CLK2: variants seen among roughly 807,000 people sequenced by gnomAD.
The protein encoded by CLK2 is dual specificity protein kinase CLK2.
A neutral mutation model predicts 73.5 loss-of-function variants in CLK2; 12 were observed. That is an observed-to-expected ratio of 0.16 (90% CI 0.10 to 0.26). The LOEUF is 0.26. CLK2 is among the 10% of genes least tolerant of loss of function. CLK2 has a pLI of 1.00. For missense variants in CLK2, 509 were observed against 688.4 expected, an observed-to-expected ratio of 0.74 and a Z score of 2.92; for synonymous variants, 232 against 237.9, an observed-to-expected ratio of 0.98 and a Z score of 0.23.
Position 155,268,808 on chromosome 1 carries a change from A to T in CLK2, c.400-13T>A. On this transcript the variant is annotated splice_polypyrimidine_tract_variant and intron_variant, in intron 3 of 12. Transcript: ENST00000368361. This position sits in a 1 kb window ranked among gnomAD's most constrained non-coding sequence, Gnocchi z 5.6. ...GGCTGCTGTGCTGCTGTCGGGGGGC[A>T]GGGGGGGTCGGAGCAAGCCAGGTGT... 16 of 1,010,310 alleles carry T rather than the reference A, an allele frequency of 1.6e-5. No homozygotes were observed. Among genetic ancestry groups the T allele is most frequent in the Admixed American group, 3.3e-5 (1 of 30,638 alleles). The allele number at this position is 1,010,310 out of a possible 1,614,324, so 62.6% of individuals were successfully genotyped here.
intron 12 of CLK2, 175 bp from the exon 13 acceptor site, chr1:155,263,575 T>C: frequency 2.0e-6 from 2 of 985,436 alleles, no homozygotes; most frequent in Non-Finnish European, 2.4e-6. Flanking sequence ...CAACCTACCT[T>C]CCCACTAGCA....
intron 7 of CLK2, 74 bp downstream of exon 7, chr1:155,266,655 C>G: frequency 6.7e-7 from 1 of 1,493,748 alleles, no homozygotes; most frequent in East Asian, 2.3e-5. Context: ...GGGGCTTCAC[C>G]AGTGCACAAC....
Position 155,273,468 on chromosome 1 carries a change from G to C in CLK2, c.-268C>G, listed in dbSNP as rs1673612255. On this transcript the variant is annotated 5_prime_UTR_variant, in exon 1 of 13. Transcript: ENST00000368361. ...CTCGGTCTCCGGCTCTGGCCTCTCC[G>C]CTCCGCCGCCGCCGCCGTGAGCGAG... 6.5e-6 allele frequency: 1 copy of C among 152,800 alleles called. No individual in the cohort carries two copies. The highest frequency in any genetic ancestry group is 1.5e-5 in the Non-Finnish European group (1 of 68,672). The allele number at this position is 152,800 out of a possible 1,614,324, so 9.5% of individuals were successfully genotyped here. A position where few individuals can be genotyped will look rare whatever the true frequency, so the allele number is the denominator to read the frequency against.
chr1:155,269,698 C>G lies in CLK2; in HGVS notation c.189G>C (p.Ser63=), dbSNP rs770924708. Residue 63 remains serine (S), a synonymous_variant, in exon 3 of 13, where the codon TCG becomes TCC. Coordinates refer to ENST00000368361, the MANE Select transcript of CLK2 (RefSeq NM_001294338.2). ...VRSRSSYDDR[S]SDRRVYDRRY... The stretch of plus-strand genomic sequence containing the variant: ...GCCGGTCATACACCCTCCGGTCGGA[C>G]GAACGATCATCATAACTGCTGTTGG... 23 of 1,614,102 alleles carry G rather than the reference C, an allele frequency of 1.4e-5. 1 individual carries two copies. The highest frequency in any genetic ancestry group is 1.7e-6 in the Non-Finnish European group (2 of 1,180,036).
intron 12 of CLK2, 102 bp from the exon 13 acceptor site, chr1:155,263,502 C>A: frequency 6.7e-7 from 1 of 1,495,762 alleles, no homozygotes. Context: ...GCTCTGCTTG[C>A]AACCAATTTG....
At position 155,268,800 on chromosome 1, in the gene CLK2, CG is replaced by C; in HGVS notation, c.400-6del. 2 of 1,185,092 alleles carry C rather than the reference CG, an allele frequency of 1.7e-6. No individual in the cohort carries two copies. The highest frequency in any genetic ancestry group is 1.1e-6 in the Non-Finnish European group (1 of 931,276). The allele number at this position is 1,185,092 out of a possible 1,614,324, so 73.4% of individuals were successfully genotyped here. A position where few individuals can be genotyped will look rare whatever the true frequency, so the allele number is the denominator to read the frequency against. On this transcript the variant is annotated splice_polypyrimidine_tract_variant and splice_region_variant and intron_variant, in intron 3 of 12. Transcript: ENST00000368361. This position sits in a 1 kb window ranked among gnomAD's most constrained non-coding sequence, Gnocchi z 5.6. ...GGCTCTCCGGCTGCTGTGCTGCTGTCGGGGGGCAGGGGGGGTCGGAGCAAGC... is the reference window on the plus strand; with the variant it reads ...GGCTCTCCGGCTGCTGTGCTGCTGTCGGGGGCAGGGGGGGTCGGAGCAAGC...
chr1:155,268,597 T>A lies in CLK2; in HGVS notation c.487+111A>T. On this transcript the variant is annotated intron_variant, in intron 4 of 12. Transcript: ENST00000368361. This position sits in a 1 kb window ranked among gnomAD's most constrained non-coding sequence, Gnocchi z 5.6. ...TCAACAGCAACTCAAACCACCCAGA[T>A]AAACAACACCACTGAGAAAAGGCAA... 9.4e-7 allele frequency: 1 copy of A among 1,062,684 alleles called. No homozygotes were observed. The highest frequency in any genetic ancestry group is 2.4e-5 in the East Asian group (1 of 42,164). The allele number at this position is 1,062,684 out of a possible 1,614,324, so 65.8% of individuals were successfully genotyped here. A position where few individuals can be genotyped will look rare whatever the true frequency, so the allele number is the denominator to read the frequency against.
In CLK2 at chr1:155,268,900, GGGGGGACAGACGATGAT is replaced by G. The variant is rs1336911031; in HGVS notation, c.400-122_400-106del. Reference sequence around the variant, plus strand: ...GTCACCGGTCACAGGCGCCCAGCCAGGGGGGACAGACGATGATGGGGGACAGTGGAAGGGAACACGTC... The same window carrying G: ...GTCACCGGTCACAGGCGCCCAGCCAGGGGGGACAGTGGAAGGGAACACGTC... On this transcript the variant is annotated intron_variant, in intron 3 of 12. Coordinates refer to ENST00000368361, the MANE Select transcript of CLK2 (RefSeq NM_001294338.2). The surrounding 1 kb of genome is among the most constrained non-coding windows in gnomAD (Gnocchi z 5.6). 3 of 710,154 alleles carry G rather than the reference GGGGGGACAGACGATGAT, an allele frequency of 4.2e-6. No homozygotes were observed. Among genetic ancestry groups the G allele is most frequent in the Admixed American group, 2.0e-5 (1 of 49,664 alleles). 44.0% of individuals were successfully genotyped at this position (710,154 alleles called of 1,614,324 possible). A position where few individuals can be genotyped will look rare whatever the true frequency, so the allele number is the denominator to read the frequency against.
At chr1:155,270,203 CA>C (rs35358437) in intron 2 of CLK2, among the ~76,000 whole-genome samples, 52,016 of 111,600 alleles carry the variant, frequency 0.47, 11,249 homozygotes, top group East Asian at 0.71. Context: ...ACTAAAAATA[CA>C]AAAAAAAAAA....
intron 2 of CLK2, 124 bp downstream of exon 2, chr1:155,270,684 A>G (rs891751562): frequency 2.7e-6 from 3 of 1,113,014 alleles, no homozygotes; most frequent in Non-Finnish European, 3.9e-6. Context: ...TTGGTTATCT[A>G]TCCCGACATT....
Position 155,263,216 on chromosome 1 carries a change from C to A in CLK2, c.*2G>T. 1.9e-6 allele frequency: 3 copies of A among 1,611,476 alleles called. No homozygotes were observed. The highest frequency in any genetic ancestry group is 2.5e-6 in the Non-Finnish European group (3 of 1,178,932). Reference sequence around the variant, plus strand: ...GATGCAGGGGGGCCCAGGGCCTGATCGTCACCGACTGATATCCCGACTGGA... The same window carrying A: ...GATGCAGGGGGGCCCAGGGCCTGATAGTCACCGACTGATATCCCGACTGGA... On this transcript the variant is annotated 3_prime_UTR_variant, in exon 13 of 13. Transcript: ENST00000368361.
At chr1:155,270,397 A>T (rs1344614450) in intron 2 of CLK2, among the ~76,000 whole-genome samples, 1 of 152,110 alleles carries the variant, frequency 6.6e-6, no homozygotes, top group Non-Finnish European at 1.5e-5. Flanking sequence ...ATATTTTAAA[A>T]TTTTTAAAAA....
intron 8 of CLK2, among the ~76,000 whole-genome samples, chr1:155,265,337 C>T (rs1342773837): frequency 6.6e-6 from 1 of 152,112 alleles, no homozygotes; most frequent in Non-Finnish European, 1.5e-5. Context: ...GAGCCCGAGA[C>T]AGGCAGATCA....
Position 155,264,204 on chromosome 1 carries a change from G to A in CLK2, c.1226+17C>T. On this transcript the variant is annotated intron_variant, in intron 11 of 12. Coordinates refer to ENST00000368361, the MANE Select transcript of CLK2 (RefSeq NM_001294338.2). ...GAGAAAAGGAAAAGAGTTAACTAGT[G>A]CCCCCTCAAGGTTCACCTTGTCTTT... 1 of 1,613,304 alleles carries A rather than the reference G, an allele frequency of 6.2e-7. No homozygotes were observed. The highest frequency in any genetic ancestry group is 8.5e-7 in the Non-Finnish European group (1 of 1,179,238).
intron 6 of CLK2, 73 bp from the exon 7 acceptor site, chr1:155,266,968 G>A (rs1673261061): frequency 1.3e-6 from 2 of 1,521,360 alleles, no homozygotes; most frequent in Non-Finnish European, 1.8e-6. Flanking sequence ...CAACAAGGAG[G>A]TACTTCATAG....
chr1:155,263,240 G>C lies in CLK2; in HGVS notation c.1478C>G (p.Ser493Cys), dbSNP rs1557929673. ...RAEPPNKLWDSSRDISR is the reference protein window; with the variant it reads ...RAEPPNKLWDCSRDISR ...TCGTCACCGACTGATATCCCGACTGGAGTCCCACAACTTGTTGGGCGGCTC... is the reference window on the plus strand; with the variant it reads ...TCGTCACCGACTGATATCCCGACTGCAGTCCCACAACTTGTTGGGCGGCTC... Residue 493 changes from serine (S) to cysteine (C), a missense_variant, in exon 13 of 13, where the codon TCC becomes TGC. Coordinates refer to ENST00000368361, the MANE Select transcript of CLK2 (RefSeq NM_001294338.2). 6.2e-7 allele frequency: 1 copy of C among 1,613,816 alleles called. No homozygotes were observed. The highest frequency in any genetic ancestry group is 8.5e-7 in the Non-Finnish European group (1 of 1,180,000).
chr1:155,266,095 C>T, intron 7 of CLK2, 141 bp from the exon 8 acceptor site: 1 of 661,020 alleles, frequency 1.5e-6, no homozygotes, highest in Non-Finnish European at 2.8e-6. Context: ...TGCTCTACGT[C>T]TAAATGGAAT....
rs1206969273 is a variant in CLK2, at chr1:155,266,787, C to T, written c.780G>A (p.Leu260=). 1.9e-6 allele frequency: 3 copies of T among 1,613,580 alleles called. No individual in the cohort carries two copies. The highest frequency in any genetic ancestry group is 2.2e-5 in the South Asian group (2 of 90,904). ...GGCGCACTTGGTGGATGGGGTAGGG[C>T]AGGTAGTTGTTGTCTTTGAGGAAAT... ...TFDFLKDNNY[L]PYPIHQVRHM... is the part of the protein sequence containing the mutation. Residue 260 remains leucine (L), a synonymous_variant, in exon 7 of 13, where the codon CTG becomes CTA. Transcript: ENST00000368361.
intron 12 of CLK2, 99 bp downstream of exon 12, chr1:155,263,851 C>T: frequency 7.2e-7 from 1 of 1,395,616 alleles, no homozygotes; most frequent in African/African-American, 1.4e-5. Context: ...CCCTCCTTTC[C>T]TAACCCTCTG....
Sources: allele counts gnomAD v4.1 joint callset (sites outside exome capture counted in the v4.1 genomes callset), GRCh38; gene constraint gnomAD v4.1.1; non-coding constraint Gnocchi (gnomAD v3.1); transcripts MANE v1.5; gene names NCBI Gene and HGNC (gene_info 2026-07-23, HGNC 2026-07-21).